SDK2: variants seen among roughly 807,000 people sequenced by gnomAD.
The protein encoded by SDK2 is sidekick cell adhesion molecule 2.
Under a neutral mutation model 253.9 loss-of-function variants are expected in SDK2, and 105 were observed. The ratio of observed to expected loss-of-function variants is 0.41; its 90% confidence interval spans 0.35 to 0.49. The LOEUF (loss-of-function observed/expected upper bound fraction) is 0.49. SDK2 is among the 20% of genes least tolerant of loss of function. SDK2 has a pLI of 0.06. For missense variants in SDK2, 2,608 were observed against 3,003.0 expected (o/e 0.87, Z 3.07); for synonymous variants, 1,249 against 1,234.9 (o/e 1.01, Z -0.24).
chr17:73,450,477 C>T (rs1369780882), intron 4 of SDK2, among the ~76,000 whole-genome samples: 1 of 152,154 alleles, frequency 6.6e-6, no homozygotes, highest in African/African-American at 2.4e-5. Context: ...CCATGCCGGC[C>T]CAGCTCCCCC....
intron 1 of SDK2, among the ~76,000 whole-genome samples, chr17:73,566,857 T>G (rs907473945): frequency 9.3e-5 from 14 of 150,040 alleles, no homozygotes; most frequent in Non-Finnish European, 3.0e-5. Flanking sequence ...ACGACTTAAA[T>G]TTAACACTTA....
intron 6 of SDK2, 149 bp downstream of exon 6, chr17:73,440,663 G>C (rs2063408182): frequency 2.9e-6 from 2 of 682,760 alleles, no homozygotes; most frequent in Admixed American, 4.2e-5. Context: ...GCAACCCTCT[G>C]ACAACAGCCA....
rs1324081136 is a variant in SDK2 at position 73,616,464 on chromosome 17, T to G, written c.64+27561A>C. ...GGCTGACCGTGGCCTCAAGGACCAC[T>G]GTCGCAATGCTTAGGCCTGAGCACG... On this transcript the variant is annotated intron_variant, in intron 1 of 44. Transcript: ENST00000392650. This position sits in a 1 kb window ranked among gnomAD's most constrained non-coding sequence, Gnocchi z 5.2. Among the ~76,000 whole-genome samples, 1 of 151,204 alleles carries G rather than the reference T, an allele frequency of 6.6e-6. No homozygotes were observed. The highest frequency in any genetic ancestry group is 3.2e-3 in the Middle Eastern group (1 of 316).
chr17:73,358,338 T>C, intron 39 of SDK2, 134 bp from the exon 40 acceptor site: 1 of 1,195,260 alleles, frequency 8.4e-7, no homozygotes, highest in Non-Finnish European at 1.1e-6. Context: ...GCCCTGCAAA[T>C]GTCGCGGCCT....
At chr17:73,568,909 T>C (rs1387552043) in intron 1 of SDK2, among the ~76,000 whole-genome samples, 1 of 152,146 alleles carries the variant, frequency 6.6e-6, no homozygotes, top group East Asian at 1.9e-4. Flanking sequence ...CACATGACAA[T>C]ATTGCCATCG....
chr17:73,466,787 G>A (rs553209308), intron 3 of SDK2, among the ~76,000 whole-genome samples: 3 of 147,530 alleles, frequency 2.0e-5, no homozygotes, highest in Non-Finnish European at 4.4e-5. Context: ...TTCTTTCCAG[G>A]CTGGGCCCCA....
At chr17:73,378,707 A>T (rs1250741676) in intron 36 of SDK2, among the ~76,000 whole-genome samples, 2 of 152,220 alleles carry the variant, frequency 1.3e-5, no homozygotes, top group African/African-American at 4.8e-5. Flanking sequence ...GGTGTGAGCC[A>T]CCGCGCCCAG....
chr17:73,579,061 C>T (rs777046109), intron 1 of SDK2, among the ~76,000 whole-genome samples: 2 of 152,088 alleles, frequency 1.3e-5, no homozygotes, highest in African/African-American at 4.8e-5. Flanking sequence ...TTCCCCTCGG[C>T]ATCCTCACTG....
At chr17:73,501,701 A>G (rs2063892521) in intron 2 of SDK2, among the ~76,000 whole-genome samples, 1 of 152,064 alleles carries the variant, frequency 6.6e-6, no homozygotes. Context: ...TACACACGTG[A>G]TTTTCTAGGG....
chr17:73,596,867 G>T (rs576881303), intron 1 of SDK2, among the ~76,000 whole-genome samples: 8 of 152,362 alleles, frequency 5.3e-5, no homozygotes, highest in African/African-American at 1.7e-4. Flanking sequence ...AGCTGGCTTG[G>T]AATGGGAGGT....
intron 4 of SDK2, among the ~76,000 whole-genome samples, chr17:73,451,685 A>G (rs1482165832): frequency 6.6e-6 from 1 of 152,106 alleles, no homozygotes; most frequent in African/African-American, 2.4e-5. Context: ...AGGCAGAGAT[A>G]CCTTTTGACT....
chr17:73,338,364 C>T lies in SDK2; in HGVS notation c.*223G>A, dbSNP rs1186925513. The T allele has an allele frequency of 2.9e-6, 2 of 679,920 alleles. No individual in the cohort carries two copies. The highest frequency in any genetic ancestry group is 3.0e-5 in the South Asian group (2 of 66,556). The allele number at this position is 679,920 out of a possible 1,614,324, so 42.1% of individuals were successfully genotyped here. On this transcript the variant is annotated 3_prime_UTR_variant, in exon 45 of 45. Transcript: ENST00000392650. The surrounding 1 kb of genome is among the most constrained non-coding windows in gnomAD (Gnocchi z 5.0). ...ATTCCCAAGGGAGCAGTGAACCCCA[C>T]CATCTCAAAGCTGAAGAGCTGCTGG... is the stretch of plus-strand genomic sequence containing the variant.
At chr17:73,366,259 T>C (rs1306608864) in intron 37 of SDK2, among the ~76,000 whole-genome samples, 2 of 152,180 alleles carry the variant, frequency 1.3e-5, no homozygotes, top group Admixed American at 6.5e-5. Flanking sequence ...CAGAACATGT[T>C]GTCCTGCTGC....
At chr17:73,557,391 C>T (rs1235362519) in intron 1 of SDK2, among the ~76,000 whole-genome samples, 2 of 152,046 alleles carry the variant, frequency 1.3e-5, no homozygotes, top group African/African-American at 4.8e-5. Flanking sequence ...CAACCTCCAC[C>T]TCCTGGGTTC....
In SDK2 at chr17:73,371,957, T is replaced by TA. The variant is rs11361484; in HGVS notation, c.4981-3365dup. Among the ~76,000 whole-genome samples the TA allele has an allele frequency of 2.5e-3, 366 of 144,068 alleles. 4 individuals carry two copies. Among genetic ancestry groups the TA allele is most frequent in the Non-Finnish European group, 4.5e-3 (300 of 66,028 alleles). The allele number at this position is 144,068 out of a possible 152,430, so 94.5% of individuals were successfully genotyped here. On this transcript the variant is annotated intron_variant, in intron 36 of 44. Transcript: ENST00000392650. ...CCTGGGCAACGGAGCGAGAGTCCGT[T>TA]AAAAAAAAAAAAAAGTGAGGTCAGG...
Position 73,418,996 on chromosome 17 carries a change from G to C in SDK2, c.2186+170C>G, listed in dbSNP as rs79687016. 5.1e-3 allele frequency among the ~76,000 whole-genome samples: 783 copies of C among 152,196 alleles called. 7 individuals carry two copies. Among genetic ancestry groups the C allele is most frequent in the African/African-American group, 0.018 (759 of 41,528 alleles). ...GTCTTGCCACTGGAAGTTCTACTAG[G>C]TGTCCAACCTAAATCCTTCCTACCA... On this transcript the variant is annotated intron_variant, in intron 16 of 44. Transcript: ENST00000392650.
At chr17:73,423,649 C>CCGAAGGCCACAT in intron 13 of SDK2, 127 bp from the exon 14 acceptor site, 1 of 1,168,602 alleles carries the variant, frequency 8.6e-7, no homozygotes, top group Non-Finnish European at 1.1e-6. Flanking sequence ...AAAATGTGGC[C>CCGAAGGCCACAT]TTCGGGCCAT....
chr17:73,500,708 G>C (rs111164209), intron 2 of SDK2, among the ~76,000 whole-genome samples: 6 of 128,306 alleles, frequency 4.7e-5, no homozygotes, highest in Admixed American at 7.4e-5. Context: ...TCCTCCTTCC[G>C]TCTCCTCCAT....
chr17:73,342,349 C>G (rs1305923485), intron 44 of SDK2, among the ~76,000 whole-genome samples: 2 of 152,198 alleles, frequency 1.3e-5, no homozygotes, highest in African/African-American at 4.8e-5. Context: ...TCTGTGCCTA[C>G]TGCCCAGCTG....
Sources: allele counts gnomAD v4.1 joint callset (sites outside exome capture counted in the v4.1 genomes callset), GRCh38; gene constraint gnomAD v4.1.1; non-coding constraint Gnocchi (gnomAD v3.1); transcripts MANE v1.5; gene names NCBI Gene and HGNC (gene_info 2026-07-23, HGNC 2026-07-21).